Variants in C3orf33 observed in about 807,000 individuals in gnomAD.
C3orf33 encodes the protein AP-1 activity suppressor.
In C3orf33, 23 loss-of-function variants were observed where a neutral mutation model predicts 28.7. The ratio of observed to expected loss-of-function variants is 0.80; its 90% CI spans 0.58 to 1.13. The LOEUF (loss-of-function observed/expected upper bound fraction) is 1.13, where lower values mean the gene tolerates loss of function less well. C3orf33 is among the 50% of genes most tolerant of loss of function. The probability of loss-of-function intolerance (pLI) is 0.00; values close to 1 mark genes in which losing one functional copy is unlikely to be tolerated. For missense variants in C3orf33, 327 were observed against 353.4 expected (o/e 0.93, Z 0.60); for synonymous variants, 119 against 120.5 (o/e 0.99, Z 0.08).
intron 2 of C3orf33, among the ~76,000 whole-genome samples, chr3:155,800,475 G>T (rs989270869): frequency 6.6e-6 from 1 of 151,534 alleles, no homozygotes; most frequent in Non-Finnish European, 1.5e-5. Context: ...ATGGTGGCAG[G>T]TGCCTTTAGT....
chr3:155,791,278 T>C (rs1384200062), intron 2 of C3orf33, among the ~76,000 whole-genome samples: 1 of 152,006 alleles, frequency 6.6e-6, no homozygotes, highest in African/African-American at 2.4e-5. Flanking sequence ...GATTCATCAC[T>C]TCCTGACTCT....
At chr3:155,790,532 A>G (rs1751282816) in intron 2 of C3orf33, among the ~76,000 whole-genome samples, 1 of 152,170 alleles carries the variant, frequency 6.6e-6, no homozygotes, top group African/African-American at 2.4e-5. Context: ...AGAACCAAAA[A>G]TCAGGTGAGC....
intron 2 of C3orf33, among the ~76,000 whole-genome samples, chr3:155,788,294 A>G (rs774196939): frequency 5.9e-5 from 9 of 152,208 alleles, no homozygotes; most frequent in Non-Finnish European, 1.3e-4. Context: ...CTGATATAGA[A>G]AAAAACCTTT....
Position 155,779,661 on chromosome 3 carries a change from AT to A in C3orf33, c.175-3814del, listed in dbSNP as rs1750859446. 2.0e-5 allele frequency among the ~76,000 whole-genome samples: 3 copies of A among 152,294 alleles called. No individual in the cohort carries two copies. In the South Asian group the frequency reaches 6.2e-4, roughly 32 times the overall value. On this transcript the variant is annotated intron_variant, in intron 2 of 4. Transcript: ENST00000340171. ...AAGCCAGAAGAAGGGCAAAAAAAAA[AT>A]AGGCACCTGGAAACCATATCACCCA...
At position 155,763,539 on chromosome 3, in the gene C3orf33, A is replaced by G. The variant is rs1048320257; in HGVS notation, c.863T>C (p.Ile288Thr). The G allele has an allele frequency of 6.6e-7, 1 of 1,518,132 alleles. No individual in the cohort carries two copies. The highest frequency in any genetic ancestry group is 8.8e-7 in the Non-Finnish European group (1 of 1,141,078). 94.0% of individuals were successfully genotyped at this position (1,518,132 alleles called of 1,614,324 possible). The change falls in exon 5 of 5, where the codon ATA becomes ACA. Residue 288 changes from isoleucine to threonine, a missense_variant. Physicochemically the swap from Ile to Thr is moderately conservative, Grantham distance 89. Transcript: ENST00000340171. ...ILKFRELISRINFRRKG is the reference protein window; with the variant it reads ...ILKFRELISRTNFRRKG ...GTTTCACCCTTTTCTACGAAAGTTT[A>G]TGCGACTTATAAGTTCTCTGAACTT...
intron 2 of C3orf33, among the ~76,000 whole-genome samples, chr3:155,793,350 T>C (rs13066198): frequency 0.58 from 85,831 of 149,104 alleles, 25,150 homozygotes; most frequent in Middle Eastern, 0.7. Context: ...GCAAGAAATG[T>C]TAAAGTGAGT....
chr3:155,802,720 T>C (rs1298016251), intron 1 of C3orf33, 129 bp from the exon 2 acceptor site: 2 of 634,878 alleles, frequency 3.2e-6, no homozygotes, highest in East Asian at 6.2e-5. Context: ...TGTATGTCTT[T>C]CAAATAAAGG....
In C3orf33 at chr3:155,798,754, G is replaced by GA. The variant is rs545604199; in HGVS notation, c.174+3777dup. On this transcript the variant is annotated intron_variant, in intron 2 of 4. Coordinates refer to ENST00000340171, the MANE Select transcript of C3orf33 (RefSeq NM_001308229.2). ...TACCCCATAAGCACAGGCAACCAAA[G>GA]AAAAAATAGACAAACAGGATCATAT... Among the ~76,000 whole-genome samples, 613 of 152,072 alleles carry GA rather than the reference G, an allele frequency of 4.0e-3. 5 individuals carry two copies. Among genetic ancestry groups the GA allele is most frequent in the African/African-American group, 0.014 (567 of 41,498 alleles).
intron 3 of C3orf33, 109 bp downstream of exon 3, chr3:155,775,592 A>C: frequency 1.5e-6 from 1 of 672,442 alleles, no homozygotes; most frequent in Non-Finnish European, 2.3e-6. Context: ...TCTCATGGAC[A>C]ATGGAGAGTT....
intron 2 of C3orf33, among the ~76,000 whole-genome samples, chr3:155,789,573 A>G (rs1310769904): frequency 6.6e-6 from 1 of 152,124 alleles, no homozygotes; most frequent in Non-Finnish European, 1.5e-5. Flanking sequence ...TACAATCCCT[A>G]TCAAAATCCC....
rs548341704 is a variant in C3orf33 at position 155,793,882 on chromosome 3, GAT to G, written c.174+8648_174+8649del. Among the ~76,000 whole-genome samples the G allele has an allele frequency of 1.9e-3, 269 of 144,362 alleles. 1 individual carries two copies. Among genetic ancestry groups the G allele is most frequent in the African/African-American group, 6.4e-3 (253 of 39,738 alleles). The allele number at this position is 144,362 out of a possible 152,430, so 94.7% of individuals were successfully genotyped here. On this transcript the variant is annotated intron_variant, in intron 2 of 4. Transcript: ENST00000340171. Reference sequence around the variant, plus strand: ...TTTCTAGACATAGACAGTATAATAAGATATAAATAGAGACATAAAGTTTAAAA... The same window carrying G: ...TTTCTAGACATAGACAGTATAATAAGATAAATAGAGACATAAAGTTTAAAA...
In C3orf33 at chr3:155,801,999, G is replaced by A. The variant is rs567893773; in HGVS notation, c.174+533C>T. On this transcript the variant is annotated intron_variant, in intron 2 of 4. Transcript: ENST00000340171. ...ACTCCTGACCTCAGGTGATCCACTCGCCTCAGCCTCCTGAAGTGCTGGGAT... is the reference window on the plus strand; with the variant it reads ...ACTCCTGACCTCAGGTGATCCACTCACCTCAGCCTCCTGAAGTGCTGGGAT... Among the ~76,000 whole-genome samples the A allele has an allele frequency of 7.4e-4, 113 of 152,240 alleles. 1 individual carries two copies. Among genetic ancestry groups the A allele is most frequent in the African/African-American group, 2.5e-3 (103 of 41,520 alleles).
At position 155,774,045 on chromosome 3, in the gene C3orf33, G is replaced by A. The variant is rs368202703; in HGVS notation, c.322+1656C>T. On this transcript the variant is annotated intron_variant, in intron 3 of 4. Coordinates refer to ENST00000340171, the MANE Select transcript of C3orf33 (RefSeq NM_001308229.2). ...GAACAGAGTGATATTCGTTCAACTC[G>A]GGATTTTAAAAAAGCAAGAACTCCT... 1.2e-4 allele frequency among the ~76,000 whole-genome samples: 19 copies of A among 152,130 alleles called. 2 individuals carry two copies. The Middle Eastern group carries it at 0.027, about 218-fold the overall frequency.
chr3:155,776,759 C>CAAAA lies in C3orf33; in HGVS notation c.175-915_175-912dup, dbSNP rs10654812. Among the ~76,000 whole-genome samples, 799 of 86,806 alleles carry CAAAA rather than the reference C, an allele frequency of 9.2e-3. 79 individuals carry two copies. The highest frequency in any genetic ancestry group is 0.031 in the African/African-American group (747 of 23,844). The allele number at this position is 86,806 out of a possible 152,430, so 56.9% of individuals were successfully genotyped here. A position where few individuals can be genotyped will look rare whatever the true frequency, so the allele number is the denominator to read the frequency against. ...TGACAGAGCGAGAACCTGACTCTGTCAAAAAAAAAAAAAAAAAAAAAAAAA... is the reference window on the plus strand; with the variant it reads ...TGACAGAGCGAGAACCTGACTCTGTCAAAAAAAAAAAAAAAAAAAAAAAAAAAAA... On this transcript the variant is annotated intron_variant, in intron 2 of 4. Coordinates refer to ENST00000340171, the MANE Select transcript of C3orf33 (RefSeq NM_001308229.2).
At chr3:155,787,682 A>T (rs1433069435) in intron 2 of C3orf33, among the ~76,000 whole-genome samples, 82 of 139,204 alleles carry the variant, frequency 5.9e-4, no homozygotes, top group African/African-American at 2.1e-3. Context: ...TTATCTATTT[A>T]TTTTTTTTTT....
intron 1 of C3orf33, 44 bp downstream of exon 1, chr3:155,806,095 C>A (rs1751801325): frequency 7.6e-7 from 1 of 1,312,582 alleles, no homozygotes; most frequent in African/African-American, 1.5e-5. Flanking sequence ...TCGCTCTGTG[C>A]CGCCCCGCGC....
chr3:155,785,832 A>T (rs1256609673), intron 2 of C3orf33, among the ~76,000 whole-genome samples: 1 of 152,156 alleles, frequency 6.6e-6, no homozygotes, highest in African/African-American at 2.4e-5. Flanking sequence ...TGAGCTCAGG[A>T]GTTTGAGACA....
chr3:155,765,031 A>G (rs1371656864), intron 4 of C3orf33, among the ~76,000 whole-genome samples: 2 of 152,210 alleles, frequency 1.3e-5, no homozygotes, highest in African/African-American at 2.4e-5. Flanking sequence ...TTCAAATCTT[A>G]TAAGCTCATT....
intron 3 of C3orf33, among the ~76,000 whole-genome samples, chr3:155,769,471 G>C (rs1231425142): frequency 7.2e-6 from 1 of 139,644 alleles, no homozygotes; most frequent in Admixed American, 7.4e-5. Flanking sequence ...CTGGGCAATA[G>C]AGTGAGACTG....
Sources: gnomAD v4.1 joint callset for allele counts (sites outside exome capture counted in the v4.1 genomes callset) on GRCh38, gnomAD v4.1.1 for gene constraint, MANE v1.5 for transcripts, NCBI Gene and HGNC (gene_info 2026-07-23, HGNC 2026-07-21) for gene names.